LRBA: variants seen among roughly 807,000 people sequenced by gnomAD.
LRBA encodes lipopolysaccharide-responsive and beige-like anchor protein.
In LRBA, 176 loss-of-function variants were observed where a neutral mutation model predicts 330.0. The ratio of observed to expected loss-of-function variants is 0.53; its 90% CI spans 0.47 to 0.60. LRBA has a LOEUF of 0.60. Ranked by LOEUF, LRBA falls within the 20% of genes least tolerant of loss-of-function variation. LRBA has a pLI of 0.00. For missense variants in LRBA, 3,259 were observed against 3,444.8 expected, an observed-to-expected ratio of 0.95 and a Z score of 1.35; for synonymous variants, 1,230 against 1,193.0, an observed-to-expected ratio of 1.03 and a Z score of -0.64.
chr4:150,964,125 T>TG (rs1412255456), intron 2 of LRBA, among the ~76,000 whole-genome samples: 1 of 143,904 alleles, frequency 6.9e-6, no homozygotes, highest in African/African-American at 2.8e-5. Context: ...GTCCAGGAGG[T>TG]GGGGGGCAGC....
intron 40 of LRBA, among the ~76,000 whole-genome samples, chr4:150,503,739 G>A (rs4593110): frequency 0.22 from 32,744 of 152,160 alleles, 4,378 homozygotes; most frequent in Non-Finnish European, 0.3. Context: ...AAAGCTGGAC[G>A]GAGAATGACT....
At chr4:150,748,446 A>G (rs147333603) in intron 35 of LRBA, among the ~76,000 whole-genome samples, 10,768 of 152,196 alleles carry the variant, frequency 0.071, 521 homozygotes, top group Non-Finnish European at 0.11. Context: ...AGGCAGGCAG[A>G]TCACGAGGTC....
At chr4:150,468,505 T>C (rs1028894498) in intron 43 of LRBA, among the ~76,000 whole-genome samples, 2 of 152,054 alleles carry the variant, frequency 1.3e-5, no homozygotes, top group Non-Finnish European at 2.9e-5. Context: ...TCTACATATG[T>C]ACAGCAGTTT....
At chr4:150,504,707 G>C (rs1361609675) in intron 40 of LRBA, among the ~76,000 whole-genome samples, 1 of 152,128 alleles carries the variant, frequency 6.6e-6, no homozygotes, top group Admixed American at 6.6e-5. Flanking sequence ...ATAGCCAGCT[G>C]ACATCATAAT....
At chr4:150,846,924 G>A (rs1749930827) in intron 26 of LRBA, among the ~76,000 whole-genome samples, 1 of 152,118 alleles carries the variant, frequency 6.6e-6, no homozygotes. Flanking sequence ...CCTAGCCTCT[G>A]AATCTGATGA....
intron 37 of LRBA, among the ~76,000 whole-genome samples, chr4:150,636,808 T>C (rs1777967272): frequency 6.6e-6 from 1 of 152,138 alleles, no homozygotes; most frequent in African/African-American, 2.4e-5. Context: ...CTACTACACC[T>C]GGCTAATTTT....
chr4:150,959,375 G>A (rs1262557902), intron 2 of LRBA, among the ~76,000 whole-genome samples: 1 of 149,106 alleles, frequency 6.7e-6, no homozygotes, highest in African/African-American at 2.6e-5. Flanking sequence ...GATTTTGGTG[G>A]GGACACAGCC....
At chr4:150,279,718 GTTACATATTC>G (rs1352922992) in intron 55 of LRBA, among the ~76,000 whole-genome samples, 18 of 152,288 alleles carry the variant, frequency 1.2e-4, no homozygotes, top group Admixed American at 8.5e-4. Context: ...AAGACAGTTA[GTTACATATTC>G]TCTAAGTTTT....
rs2126909037 is a variant in LRBA, at chr4:150,849,543, T to C, written c.4037A>G (p.Asn1346Ser). Residue 1346 changes from asparagine (N) to serine (S), a missense_variant, in exon 25 of 57, where the codon AAT becomes AGT. Transcript: ENST00000651943. ...TACAAAGATGACATTATCACTGCTA[T>C]TCACGAAGTCCATAACTGTCTTTGT... ...HSTKTVMDFV[N>S]SSDNVIFVHN... 1.2e-6 allele frequency: 2 copies of C among 1,613,392 alleles called. No individual in the cohort carries two copies. The highest frequency in any genetic ancestry group is 1.7e-6 in the Non-Finnish European group (2 of 1,179,318).
chr4:150,862,996 A>ACG (rs1044671374), intron 22 of LRBA, among the ~76,000 whole-genome samples: 3 of 151,926 alleles, frequency 2.0e-5, no homozygotes, highest in African/African-American at 7.3e-5. Flanking sequence ...AAAGACACAC[A>ACG]CACACACACA....
At chr4:150,519,035 T>C (rs536239648) in intron 40 of LRBA, among the ~76,000 whole-genome samples, 1 of 152,098 alleles carries the variant, frequency 6.6e-6, no homozygotes, top group East Asian at 1.9e-4. Flanking sequence ...TCCTAGATAA[T>C]TTTTTTTCCT....
At chr4:150,618,132 T>A (rs1775952036) in intron 37 of LRBA, among the ~76,000 whole-genome samples, 1 of 152,078 alleles carries the variant, frequency 6.6e-6, no homozygotes, top group Non-Finnish European at 1.5e-5. Flanking sequence ...AAAGAACTCT[T>A]AGATTCTGAT....
chr4:150,454,798 A>G (rs1433530059), intron 44 of LRBA, among the ~76,000 whole-genome samples: 3 of 151,912 alleles, frequency 2.0e-5, no homozygotes, highest in Non-Finnish European at 4.4e-5. Context: ...GCATACCCAT[A>G]GCTTAGTTCC....
At chr4:150,422,757 T>A in intron 46 of LRBA, 1 of 1,254,868 alleles carries the variant, frequency 8.0e-7, no homozygotes, top group East Asian at 2.4e-5. Context: ...CTTCATGACC[T>A]GGTGGCCAGC....
intron 40 of LRBA, among the ~76,000 whole-genome samples, chr4:150,508,593 T>C (rs958052798): frequency 2.6e-5 from 4 of 152,168 alleles, no homozygotes; most frequent in Non-Finnish European, 2.9e-5. Context: ...CAGCCCCAAG[T>C]AGATTTTAGA....
intron 42 of LRBA, among the ~76,000 whole-genome samples, chr4:150,477,655 C>T (rs1026319128): frequency 2.6e-5 from 4 of 151,960 alleles, no homozygotes; most frequent in Non-Finnish European, 4.4e-5. Flanking sequence ...GGAGGTGGGG[C>T]CTGGTGGGAG....
chr4:150,926,084 TAGAAGTTTCAG>T, intron 4 of LRBA, among the ~76,000 whole-genome samples: 1 of 152,160 alleles, frequency 6.6e-6, no homozygotes, highest in Non-Finnish European at 1.5e-5. Context: ...CCACAGAAGA[TAGAAGTTTCAG>T]AGAAGAATAC....
chr4:150,349,902 TA>T lies in LRBA; in HGVS notation c.7362+89del, dbSNP rs1052012078. The T allele has an allele frequency of 9.6e-6, 11 of 1,143,586 alleles. No individual in the cohort carries two copies. In the African/African-American group the frequency reaches 1.7e-4, roughly 18 times the overall value. 70.8% of individuals were successfully genotyped at this position (1,143,586 alleles called of 1,614,324 possible). A position where few individuals can be genotyped will look rare whatever the true frequency, so the allele number is the denominator to read the frequency against. ...CATCTAGTTTCACTTTCTTCATCAC[TA>T]AAATCAAAGGATGGGGGAGGTGTTC... is the stretch of plus-strand genomic sequence containing the variant. On this transcript the variant is annotated intron_variant, in intron 48 of 56. Coordinates refer to ENST00000651943, the MANE Select transcript of LRBA (RefSeq NM_001364905.1).
chr4:150,267,296 G>A (rs551964013), intron 56 of LRBA, among the ~76,000 whole-genome samples: 58 of 152,160 alleles, frequency 3.8e-4, no homozygotes, highest in Non-Finnish European at 6.9e-4. Flanking sequence ...TAGGCCACAA[G>A]TGTTAATGAC....
Sources: allele counts gnomAD v4.1 joint callset (sites outside exome capture counted in the v4.1 genomes callset), GRCh38; gene constraint gnomAD v4.1.1; transcripts MANE v1.5; gene names NCBI Gene and HGNC (gene_info 2026-07-23, HGNC 2026-07-21).